The following UBE3C variants were observed in gnomAD, a reference collection of about 807,000 sequenced individuals.
UBE3C encodes ubiquitin protein ligase E3C, also known as ubiquitin-protein ligase E3C.
In UBE3C, 42 loss-of-function variants were observed where a neutral mutation model predicts 129.4. The ratio of observed to expected loss-of-function variants is 0.32; its 90% CI spans 0.25 to 0.42. UBE3C has a LOEUF of 0.42. UBE3C is among the 10% of genes least tolerant of loss of function. The pLI is 1.00. For synonymous variants in UBE3C, 510 were observed against 492.4 expected, an observed-to-expected ratio of 1.04 and a Z score of -0.47; for missense variants, 1,049 against 1,319.1, an observed-to-expected ratio of 0.80 and a Z score of 3.17.
At chr7:157,201,974 C>T (rs945494352) in intron 11 of UBE3C, among the ~76,000 whole-genome samples, 167 bp downstream of exon 11, 5 of 152,074 alleles carry the variant, frequency 3.3e-5, no homozygotes, top group African/African-American at 1.2e-4. Context: ...AAATCAGTGT[C>T]TAATCTTAAC....
chr7:157,233,434 A>G (rs1267837129), intron 18 of UBE3C, among the ~76,000 whole-genome samples: 1 of 152,004 alleles, frequency 6.6e-6, no homozygotes, highest in Admixed American at 6.6e-5. Context: ...GCTTGCTACC[A>G]CACCTGGCTA....
At chr7:157,166,267 T>C (rs910967870) in intron 2 of UBE3C, among the ~76,000 whole-genome samples, 6 of 152,236 alleles carry the variant, frequency 3.9e-5, no homozygotes, top group African/African-American at 1.4e-4. Flanking sequence ...GATTAGTCTG[T>C]CTTGAAGCTT....
At position 157,170,444 on chromosome 7, in the gene UBE3C, A is replaced by C. The variant is rs1441193673; in HGVS notation, c.336A>C (p.Lys112Asn). 3 of 1,546,786 alleles carry C rather than the reference A, an allele frequency of 1.9e-6. No individual in the cohort carries two copies. The Admixed American group carries it at 6.6e-5, about 34-fold the overall frequency. The change falls in exon 4 of 23, where the codon AAA (lysine) becomes AAC (asparagine). Residue 112 changes from lysine (K) to asparagine (N), a missense_variant. Physicochemically the swap from Lys to Asn is moderately conservative, Grantham distance 94. Coordinates refer to ENST00000348165, the MANE Select transcript of UBE3C (RefSeq NM_014671.3). ...TTTACAAACAAAATGAAGACTCAAA[A>C]CGTTTGGTGAGTGTTAACTACATTT... ...LFFYKQNEDSKRLIWLYQNLI... is the reference protein window; with the variant it reads ...LFFYKQNEDSNRLIWLYQNLI...
chr7:157,170,515 G>A, intron 4 of UBE3C, 65 bp downstream of exon 4: 1 of 1,407,920 alleles, frequency 7.1e-7, no homozygotes, highest in Non-Finnish European at 9.3e-7. Context: ...GTTTAAAGTG[G>A]AAATGGCTTC....
intron 5 of UBE3C, among the ~76,000 whole-genome samples, chr7:157,176,384 C>T (rs1808518301): frequency 6.6e-6 from 1 of 152,226 alleles, no homozygotes; most frequent in South Asian, 2.1e-4. Context: ...AAGCAGTTCT[C>T]CTGCTTCAGC....
chr7:157,266,945 TTGCCCAGGCTGGTC>T (rs781170405), intron 22 of UBE3C, among the ~76,000 whole-genome samples: 3 of 152,094 alleles, frequency 2.0e-5, no homozygotes, highest in Non-Finnish European at 4.4e-5. Flanking sequence ...TCTCGTTATG[TTGCCCAGGCTGGTC>T]TCGAACTCCT....
chr7:157,154,305 C>A (rs1292305807), intron 1 of UBE3C, among the ~76,000 whole-genome samples: 1 of 151,790 alleles, frequency 6.6e-6, no homozygotes, highest in Non-Finnish European at 1.5e-5. Context: ...GGTGACAGTT[C>A]GAGATTCTGT....
intron 16 of UBE3C, among the ~76,000 whole-genome samples, chr7:157,225,195 G>T: frequency 6.6e-6 from 1 of 152,028 alleles, no homozygotes; most frequent in East Asian, 1.9e-4. Context: ...TTTAAACTGG[G>T]CAAAGGAGCA....
intron 13 of UBE3C, among the ~76,000 whole-genome samples, chr7:157,210,369 A>G (rs919409862): frequency 6.6e-6 from 1 of 152,070 alleles, no homozygotes; most frequent in African/African-American, 2.4e-5. Context: ...TGAGCCCCCA[A>G]AATAAAAATC....
intron 1 of UBE3C, 49 bp downstream of exon 1, chr7:157,139,387 G>T: frequency 8.4e-7 from 1 of 1,192,426 alleles, no homozygotes; most frequent in Non-Finnish European, 1.2e-6. Context: ...CTGCGCGGCC[G>T]GGGCTCGGGG....
intron 11 of UBE3C, among the ~76,000 whole-genome samples, chr7:157,205,000 C>T (rs924539752): frequency 3.3e-5 from 5 of 152,238 alleles, no homozygotes; most frequent in Non-Finnish European, 5.9e-5. Flanking sequence ...TGCCTCGGGT[C>T]TCACTGATGG....
intron 18 of UBE3C, among the ~76,000 whole-genome samples, chr7:157,243,626 A>G (rs1796402499): frequency 6.6e-6 from 1 of 152,100 alleles, no homozygotes; most frequent in South Asian, 2.1e-4. Context: ...GGCGCAGGGG[A>G]CACTGGGACA....
rs759130893 is a variant in UBE3C, at chr7:157,207,775, G to A, written c.1649G>A (p.Arg550Gln). The A allele has an allele frequency of 1.9e-6, 3 of 1,614,078 alleles. No individual in the cohort carries two copies. The highest frequency in any genetic ancestry group is 1.7e-5 in the Admixed American group (1 of 60,004). The change falls in exon 13 of 23, where the codon CGA becomes CAA. Residue 550 changes from arginine (R) to glutamine (Q), a missense_variant. Arg to Gln is a conservative substitution (Grantham distance 43). This residue lies in a region of UBE3C where 314 missense variants were observed against 416.9 expected (regional missense o/e 0.75). Coordinates refer to ENST00000348165, the MANE Select transcript of UBE3C (RefSeq NM_014671.3). ...CTGATAATGTTGTCTCGATGCCTTC[G>A]AGATGCATGCCTGGGGATCATCAAG... ...EELIMLSRCL[R>Q]DACLGIIKLA...
At chr7:157,180,142 A>G (rs1808629335) in intron 6 of UBE3C, among the ~76,000 whole-genome samples, 1 of 152,210 alleles carries the variant, frequency 6.6e-6, no homozygotes, top group South Asian at 2.1e-4. Context: ...TCTGTGGTAC[A>G]GCAGTTGTTT....
At chr7:157,198,467 TCTC>T in intron 10 of UBE3C, 3 of 471,216 alleles carry the variant, frequency 6.4e-6, no homozygotes, top group Non-Finnish European at 1.2e-5. Flanking sequence ...GCCTGGAAGA[TCTC>T]CTCTCCTGCT....
At chr7:157,236,269 C>G (rs935375711) in intron 18 of UBE3C, among the ~76,000 whole-genome samples, 1 of 152,042 alleles carries the variant, frequency 6.6e-6, no homozygotes, top group Admixed American at 6.6e-5. Flanking sequence ...GCACCTAGGT[C>G]CATTTAAGCC....
rs188598655 is a variant in UBE3C at position 157,227,606 on chromosome 7, A to G, written c.2233+2067A>G. 3.5e-3 allele frequency among the ~76,000 whole-genome samples: 528 copies of G among 152,046 alleles called. 2 individuals carry two copies. The highest frequency in any genetic ancestry group is 0.012 in the African/African-American group (493 of 41,494). ...TCCCACCTACTCAGGAGGCTGAGGCAGGAGAATGGCATGAACCCGGGAGGC... is the reference window on the plus strand; with the variant it reads ...TCCCACCTACTCAGGAGGCTGAGGCGGGAGAATGGCATGAACCCGGGAGGC... On this transcript the variant is annotated intron_variant, in intron 17 of 22. Coordinates refer to ENST00000348165, the MANE Select transcript of UBE3C (RefSeq NM_014671.3).
intron 13 of UBE3C, among the ~76,000 whole-genome samples, chr7:157,210,329 C>T (rs1169155690): frequency 6.6e-6 from 1 of 151,766 alleles, no homozygotes; most frequent in Non-Finnish European, 1.5e-5. Flanking sequence ...ACCTGTCCCC[C>T]AAACCATTTT....
intron 15 of UBE3C, chr7:157,222,367 G>A (rs968344381): frequency 1.3e-5 from 2 of 151,334 alleles, no homozygotes; most frequent in Non-Finnish European, 2.9e-5. Context: ...TAATGAAATT[G>A]TGCTTTTGAT....
Sources: gnomAD v4.1 joint callset for allele counts (sites outside exome capture counted in the v4.1 genomes callset) on GRCh38, gnomAD v4.1.1 for gene constraint, gnomAD v4.1.1 regional missense constraint, MANE v1.5 for transcripts, NCBI Gene and HGNC (gene_info 2026-07-23, HGNC 2026-07-21) for gene names.